Variants in SMYD3 observed in about 807,000 individuals in gnomAD.
SMYD3 encodes SET and MYND domain containing 3.
In SMYD3, 36 loss-of-function variants were observed where a neutral mutation model predicts 57.7. The ratio of observed to expected loss-of-function variants is 0.62; its 90% CI spans 0.48 to 0.82. The LOEUF (loss-of-function observed/expected upper bound fraction) is 0.82. Among genes scored for constraint, SMYD3 ranks in the 40% least tolerant of loss-of-function variants. The pLI is 0.00. For synonymous variants in SMYD3, 211 were observed against 195.0 expected, an observed-to-expected ratio of 1.08 and a Z score of -0.68; for missense variants, 515 against 538.8, an observed-to-expected ratio of 0.96 and a Z score of 0.44.
chr1:246,078,350 T>C (rs1367257709), intron 5 of SMYD3, among the ~76,000 whole-genome samples: 1 of 152,066 alleles, frequency 6.6e-6, no homozygotes, highest in African/African-American at 2.4e-5. Flanking sequence ...CCTGAGAAAG[T>C]AGGAGAGAGA....
chr1:246,235,036 C>A (rs762056433), intron 5 of SMYD3, among the ~76,000 whole-genome samples: 1 of 152,152 alleles, frequency 6.6e-6, no homozygotes, highest in Non-Finnish European at 1.5e-5. Flanking sequence ...CATGGAATCA[C>A]GTTTTACTTT....
At chr1:246,462,894 G>A (rs1300086333) in intron 1 of SMYD3, among the ~76,000 whole-genome samples, 1 of 152,122 alleles carries the variant, frequency 6.6e-6, no homozygotes, top group African/African-American at 2.4e-5. Context: ...AGAAAAAAAT[G>A]GTAGGGGACA....
At chr1:245,797,436 A>G (rs2047574052) in intron 10 of SMYD3, among the ~76,000 whole-genome samples, 1 of 141,546 alleles carries the variant, frequency 7.1e-6, no homozygotes, top group South Asian at 2.2e-4. Context: ...ACAAAAAACC[A>G]AACACCACAT....
intron 5 of SMYD3, among the ~76,000 whole-genome samples, chr1:246,181,242 T>C (rs541239678): frequency 2.0e-3 from 306 of 152,284 alleles, no homozygotes; most frequent in African/African-American, 7.1e-3. Flanking sequence ...CTAATACAAA[T>C]GATTGCACTG....
At chr1:245,948,679 C>A (rs2057509168) in intron 5 of SMYD3, among the ~76,000 whole-genome samples, 1 of 152,172 alleles carries the variant, frequency 6.6e-6, no homozygotes, top group Non-Finnish European at 1.5e-5. Context: ...ATTCCTGGAG[C>A]CCCATTGATA....
intron 5 of SMYD3, among the ~76,000 whole-genome samples, chr1:246,014,259 T>C (rs1333275257): frequency 2.6e-5 from 4 of 152,182 alleles, no homozygotes; most frequent in South Asian, 2.1e-4. Context: ...GAGGTGGAGA[T>C]TGCAGTGAGC....
chr1:246,210,874 G>A (rs2063074661), intron 5 of SMYD3, among the ~76,000 whole-genome samples: 1 of 152,112 alleles, frequency 6.6e-6, no homozygotes, highest in Non-Finnish European at 1.5e-5. Flanking sequence ...AGGAAATGCA[G>A]GGCTTCAATT....
chr1:246,311,911 G>A (rs770418313), intron 5 of SMYD3, among the ~76,000 whole-genome samples: 2 of 152,174 alleles, frequency 1.3e-5, no homozygotes, highest in Non-Finnish European at 2.9e-5. Flanking sequence ...TTGGTGGCTT[G>A]AAGAAACACA....
At position 245,945,717 on chromosome 1, in the gene SMYD3, T is replaced by C. The variant is rs547962958; in HGVS notation, c.532-15780A>G. ...AATAGCAAAGACAAGGAATTAAATG[T>C]CCATCAATAATAGACTGGATAAAAA... is the stretch of plus-strand genomic sequence containing the variant. On this transcript the variant is annotated intron_variant, in intron 5 of 11. Transcript: ENST00000490107. Among the ~76,000 whole-genome samples the C allele has an allele frequency of 8.5e-5, 13 of 152,250 alleles. No homozygotes were observed. The East Asian group carries it at 2.1e-3, about 25-fold the overall frequency.
intron 5 of SMYD3, among the ~76,000 whole-genome samples, chr1:246,243,442 T>G (rs866414364): frequency 2.0e-5 from 3 of 151,498 alleles, no homozygotes; most frequent in African/African-American, 7.3e-5. Context: ...AAGGCTTTTT[T>G]CAGCTTTGTG....
At chr1:246,383,170 G>A (rs752245791) in intron 1 of SMYD3, among the ~76,000 whole-genome samples, 6 of 152,208 alleles carry the variant, frequency 3.9e-5, no homozygotes, top group African/African-American at 1.2e-4. Context: ...CTCAGGAGGC[G>A]GAAAGAAGGC....
intron 1 of SMYD3, among the ~76,000 whole-genome samples, chr1:246,469,789 C>T (rs938363715): frequency 2.5e-4 from 38 of 152,104 alleles, no homozygotes; most frequent in Non-Finnish European, 5.1e-4. Flanking sequence ...AAAAAACTGA[C>T]GAGGAATAGA....
At chr1:245,779,614 T>C (rs768965790) in intron 10 of SMYD3, among the ~76,000 whole-genome samples, 2 of 152,238 alleles carry the variant, frequency 1.3e-5, no homozygotes, top group Non-Finnish European at 2.9e-5. Flanking sequence ...CCTTTAGTCT[T>C]GTTCCTAGAG....
chr1:246,117,873 G>C (rs1258378650), intron 5 of SMYD3, among the ~76,000 whole-genome samples: 1 of 151,994 alleles, frequency 6.6e-6, no homozygotes, highest in African/African-American at 2.4e-5. Context: ...TCTTTGCATT[G>C]GTCAAATTAC....
chr1:246,095,962 AACTCCCTTGAAATATCC>A, intron 5 of SMYD3, among the ~76,000 whole-genome samples: 1 of 152,350 alleles, frequency 6.6e-6, no homozygotes, highest in Admixed American at 6.5e-5. Context: ...CCATTACTAA[AACTCCCTTGAAATATCC>A]ATACAAAGAC....
chr1:246,465,761 A>C (rs1269701713), intron 1 of SMYD3, among the ~76,000 whole-genome samples: 2 of 152,186 alleles, frequency 1.3e-5, no homozygotes, highest in East Asian at 3.8e-4. Context: ...GAGAACACTT[A>C]AACACTTGTT....
chr1:246,424,956 G>A (rs1455251447), intron 1 of SMYD3, among the ~76,000 whole-genome samples: 5 of 152,064 alleles, frequency 3.3e-5, no homozygotes, highest in Admixed American at 1.3e-4. Context: ...TTTACATAGC[G>A]ATAATAGTAA....
At chr1:246,128,123 A>G (rs1176033299) in intron 5 of SMYD3, among the ~76,000 whole-genome samples, 1 of 152,200 alleles carries the variant, frequency 6.6e-6, no homozygotes, top group Non-Finnish European at 1.5e-5. Context: ...GGTAGTAACA[A>G]TAACAATCAA....
At position 246,379,081 on chromosome 1, in the gene SMYD3, T is replaced by TACACACAC. The variant is rs34560740; in HGVS notation, c.165-23995_165-23988dup. Among the ~76,000 whole-genome samples the TACACACAC allele has an allele frequency of 8.5e-3, 1,113 of 130,488 alleles. 14 individuals carry two copies. The highest frequency in any genetic ancestry group is 0.045 in the East Asian group (212 of 4,726). 85.6% of individuals were successfully genotyped at this position (130,488 alleles called of 152,430 possible). The stretch of plus-strand genomic sequence containing the variant: ...ATATATATACTTACACACACATACA[T>TACACACAC]ACACACACACACACACACACACACA... On this transcript the variant is annotated intron_variant, in intron 1 of 11. Coordinates refer to ENST00000490107, the MANE Select transcript of SMYD3 (RefSeq NM_001167740.2).
Sources: allele counts gnomAD v4.1 joint callset (sites outside exome capture counted in the v4.1 genomes callset), GRCh38; gene constraint gnomAD v4.1.1; transcripts MANE v1.5; gene names NCBI Gene and HGNC (gene_info 2026-07-23, HGNC 2026-07-21).